SMG5: variants seen among roughly 807,000 people sequenced by gnomAD.
The protein encoded by SMG5 is SMG5 nonsense mediated mRNA decay factor, also known as nonsense-mediated mRNA decay factor SMG5.
In SMG5, 53 loss-of-function variants were observed where a neutral mutation model predicts 122.9. That is an observed-to-expected ratio of 0.43 (90% CI 0.35 to 0.54). The LOEUF is 0.54. Among genes scored for constraint, SMG5 ranks in the 20% least tolerant of loss-of-function variants. SMG5 has a pLI of 0.01. For synonymous variants in SMG5, 477 were observed against 490.2 expected, an observed-to-expected ratio of 0.97 and a Z score of 0.35; for missense variants, 1,153 against 1,285.6, an observed-to-expected ratio of 0.90 and a Z score of 1.58.
At chr1:156,270,223 T>C (rs1662345930) in intron 7 of SMG5, among the ~76,000 whole-genome samples, 1 of 152,216 alleles carries the variant, frequency 6.6e-6, no homozygotes, top group African/African-American at 2.4e-5. Context: ...GGTCTATATC[T>C]CCTCCCCTTA....
At position 156,250,839 on chromosome 1, in the gene SMG5, C is replaced by T. The variant is rs375127516; in HGVS notation, c.2967+19G>A. Reference sequence around the variant, plus strand: ...TCGTCCCTATTCCACACCATCCCCCCACCTCACCCATGACCCACCTGCATG... The same window carrying T: ...TCGTCCCTATTCCACACCATCCCCCTACCTCACCCATGACCCACCTGCATG... On this transcript the variant is annotated intron_variant, in intron 21 of 21. Coordinates refer to ENST00000361813, the MANE Select transcript of SMG5 (RefSeq NM_015327.3). The T allele has an allele frequency of 2.5e-6, 4 of 1,613,036 alleles. No individual in the cohort carries two copies. Among genetic ancestry groups the T allele is most frequent in the South Asian group, 1.1e-5 (1 of 91,042 alleles).
In SMG5 at chr1:156,268,129, T is replaced by G; in HGVS notation, c.894A>C (p.Leu298=). The change falls in exon 9 of 22, where the codon CTA becomes CTC. Residue 298 remains leucine, a synonymous_variant. Transcript: ENST00000361813. ...CTTCCACTCACCTGCTTTTGGGCTG[T>G]AGGAGGCTTTGCAGATACATAAAGT... The part of the protein sequence containing the change: ...LVNFMYLQSL[L]QPKSSSVDSE... 6.2e-7 allele frequency: 1 copy of G among 1,614,162 alleles called. No homozygotes were observed. Among genetic ancestry groups the G allele is most frequent in the Non-Finnish European group, 8.5e-7 (1 of 1,180,014 alleles).
intron 19 of SMG5, 116 bp from the exon 20 acceptor site, chr1:156,251,593 G>C: frequency 3.1e-6 from 3 of 975,788 alleles, no homozygotes; most frequent in East Asian, 4.8e-5. Flanking sequence ...TGGGGAACAT[G>C]TCTCTCCCAC....
In SMG5 at chr1:156,263,478, T is replaced by C. The variant is rs373014142; in HGVS notation, c.1948A>G (p.Met650Val). The C allele has an allele frequency of 7.1e-5, 115 of 1,614,118 alleles. No individual in the cohort carries two copies. The highest frequency in any genetic ancestry group is 9.4e-5 in the Non-Finnish European group (111 of 1,180,058). The change falls in exon 13 of 22, where the codon ATG becomes GTG. Residue 650 changes from methionine to valine, a missense_variant. This residue lies in a region of SMG5 where 631 missense variants were observed against 650.6 expected (regional missense o/e 0.97). Coordinates refer to ENST00000361813, the MANE Select transcript of SMG5 (RefSeq NM_015327.3). ...ACAGCAGGAAGCAGACCTTCGGCCA[T>C]CAGGACCTGAAGCTTCTCCTGGATG... ...RSIQEKLQVLMAEGLLPAVKV... is the reference protein window; with the variant it reads ...RSIQEKLQVLVAEGLLPAVKV...
chr1:156,263,679 C>T, intron 12 of SMG5, 109 bp from the exon 13 acceptor site: 1 of 1,245,714 alleles, frequency 8.0e-7, no homozygotes, highest in East Asian at 2.5e-5. Context: ...CTGGGCCCTT[C>T]CAAGGAATTT....
chr1:156,256,148 T>TAAC (rs1315729259), intron 16 of SMG5, among the ~76,000 whole-genome samples: 1 of 151,856 alleles, frequency 6.6e-6, no homozygotes, highest in Non-Finnish European at 1.5e-5. Context: ...GAAAGAGGAA[T>TAAC]AACATCTATA....
upstream of SMG5, chr1:156,282,887 G>A: frequency 1.8e-6 from 1 of 558,148 alleles, no homozygotes; most frequent in East Asian, 3.1e-5. Context: ...CCAGTGGCCT[G>A]CTGCTACCAA....
upstream of SMG5, among the ~76,000 whole-genome samples, chr1:156,287,077 C>G (rs1259568100): frequency 1.3e-5 from 2 of 151,840 alleles, no homozygotes; most frequent in African/African-American, 4.8e-5. Context: ...GACACAAGAT[C>G]GTGTCACTGT....
upstream of SMG5, chr1:156,286,492 TGGGGCATGGGAG>T: frequency 6.2e-7 from 1 of 1,612,016 alleles, no homozygotes; most frequent in Non-Finnish European, 8.5e-7. Context: ...GGGCAGAGGG[TGGGGCATGGGAG>T]AGGGGATGGT....
intron 3 of SMG5, 135 bp downstream of exon 3, chr1:156,277,790 G>C (rs986014014): frequency 2.6e-6 from 3 of 1,154,206 alleles, no homozygotes; most frequent in Admixed American, 1.9e-5. Flanking sequence ...GGGATTACAC[G>C]CATGAGCCAC....
At chr1:156,273,000 C>A (rs1662501886) in intron 6 of SMG5, among the ~76,000 whole-genome samples, 1 of 152,186 alleles carries the variant, frequency 6.6e-6, no homozygotes, top group African/African-American at 2.4e-5. Context: ...GCCCTCTCCT[C>A]TATCTCAGCA....
At position 156,250,410 on chromosome 1, in the gene SMG5, C is replaced by T. The variant is rs878946342; in HGVS notation, c.*177G>A. The stretch of plus-strand genomic sequence containing the variant: ...TCCTAACGTCTTGGCAACAAAGGGA[C>T]CCCACCCTCCCAGCCGGCTCCTGGG... On this transcript the variant is annotated 3_prime_UTR_variant, in exon 22 of 22. Coordinates refer to ENST00000361813, the MANE Select transcript of SMG5 (RefSeq NM_015327.3). 1.7e-5 allele frequency: 11 copies of T among 646,588 alleles called. No individual in the cohort carries two copies. Among genetic ancestry groups the T allele is most frequent in the Middle Eastern group, 5.1e-4 (2 of 3,940 alleles). 40.1% of individuals were successfully genotyped at this position (646,588 alleles called of 1,614,324 possible). A position where few individuals can be genotyped will look rare whatever the true frequency, so the allele number is the denominator to read the frequency against.
intron 7 of SMG5, among the ~76,000 whole-genome samples, chr1:156,271,834 C>G: frequency 6.6e-6 from 1 of 152,084 alleles, no homozygotes; most frequent in East Asian, 1.9e-4. Context: ...CTCAGGTGAT[C>G]TGCCTGCCTT....
Position 156,268,410 on chromosome 1 carries a change from T to A in SMG5, c.719A>T (p.Gln240Leu), listed in dbSNP as rs1662256531. ...EAMYCYLRCI[Q>L]SEVSFEGAYG... Reference sequence around the variant, plus strand: ...GGCTCCCTCAAAGGACACTTCTGACTGGATGCTGTAAGAGATAGAGGTGAG... The same window carrying A: ...GGCTCCCTCAAAGGACACTTCTGACAGGATGCTGTAAGAGATAGAGGTGAG... Residue 240 changes from glutamine to leucine, a missense_variant, in exon 8 of 22, where the codon CAG (glutamine) becomes CTG (leucine). By Grantham distance (113) the Gln-to-Leu change is moderately radical. Around this residue, in one of 5 missense-constraint regions of SMG5, gnomAD observed 85 missense variants for 127.3 expected, o/e 0.67. Coordinates refer to ENST00000361813, the MANE Select transcript of SMG5 (RefSeq NM_015327.3). 1.2e-6 allele frequency: 2 copies of A among 1,613,780 alleles called. No homozygotes were observed. Among genetic ancestry groups the A allele is most frequent in the African/African-American group, 2.7e-5 (2 of 74,926 alleles).
rs1047109485 is a variant in SMG5 at position 156,278,147 on chromosome 1, A to G, written c.174-99T>C. The G allele has an allele frequency of 5.4e-6, 8 of 1,468,456 alleles. No individual in the cohort carries two copies. In the African/African-American group the frequency reaches 9.8e-5, roughly 18 times the overall value. 91.0% of individuals were successfully genotyped at this position (1,468,456 alleles called of 1,614,324 possible). On this transcript the variant is annotated intron_variant, in intron 2 of 21. Transcript: ENST00000361813. ...GTCATGTGCCAACACCCCCACCAACAAATCTCGGTGCTTCCCAAGAGACAT... is the reference window on the plus strand; with the variant it reads ...GTCATGTGCCAACACCCCCACCAACGAATCTCGGTGCTTCCCAAGAGACAT...
At chr1:156,268,619 G>A (rs1662265344) in intron 7 of SMG5, among the ~76,000 whole-genome samples, 1 of 152,150 alleles carries the variant, frequency 6.6e-6, no homozygotes, top group Non-Finnish European at 1.5e-5. Context: ...GAGGAAAAAC[G>A]ATGTCTTACT....
chr1:156,252,376 C>G (rs769772206), intron 19 of SMG5, 38 bp downstream of exon 19: 1 of 1,599,750 alleles, frequency 6.3e-7, no homozygotes, highest in South Asian at 1.1e-5. Flanking sequence ...AAAAGACAGA[C>G]CCAGGGCTCA....
chr1:156,275,801 T>C (rs1455792786), intron 4 of SMG5, among the ~76,000 whole-genome samples: 1 of 151,572 alleles, frequency 6.6e-6, no homozygotes, highest in Non-Finnish European at 1.5e-5. Context: ...TCTTGTCTTT[T>C]AGATAATGTG....
At chr1:156,267,083 C>T (rs186105212) in intron 10 of SMG5, among the ~76,000 whole-genome samples, 1 of 152,298 alleles carries the variant, frequency 6.6e-6, no homozygotes, top group Admixed American at 6.5e-5. Context: ...CCTATCCCTC[C>T]TTACCTCCCA....
Sources: gnomAD v4.1 joint callset for allele counts (sites outside exome capture counted in the v4.1 genomes callset) on GRCh38, gnomAD v4.1.1 for gene constraint, gnomAD v4.1.1 regional missense constraint, MANE v1.5 for transcripts, NCBI Gene and HGNC (gene_info 2026-07-23, HGNC 2026-07-21) for gene names.